Variants in TRPM7 observed in about 807,000 individuals in gnomAD.
The protein encoded by TRPM7 is transient receptor potential cation channel subfamily M member 7.
In TRPM7, 134 loss-of-function variants were observed where a neutral mutation model predicts 229.7. That is an observed-to-expected ratio of 0.58 (90% CI 0.51 to 0.67). The LOEUF (loss-of-function observed/expected upper bound fraction) is 0.67, where lower values mean the gene tolerates loss of function less well. Ranked by LOEUF, TRPM7 falls within the 30% of genes least tolerant of loss-of-function variation. The pLI is 0.00. For synonymous variants in TRPM7, 699 were observed against 715.2 expected, an observed-to-expected ratio of 0.98 and a Z score of 0.36; for missense variants, 1,901 against 2,210.0, an observed-to-expected ratio of 0.86 and a Z score of 2.80.
At chr15:50,607,708 A>C (rs891023955) in intron 19 of TRPM7, among the ~76,000 whole-genome samples, 2 of 143,606 alleles carry the variant, frequency 1.4e-5, no homozygotes, top group Middle Eastern at 3.4e-3. Context: ...CAAGGAACAC[A>C]TGTTTCCTGC....
Position 50,561,504 on chromosome 15 carries a change from TTC to T in TRPM7, c.*172_*173del. 1.6e-6 allele frequency: 1 copy of T among 636,398 alleles called. No individual in the cohort carries two copies. Among genetic ancestry groups the T allele is most frequent in the Non-Finnish European group, 2.6e-6 (1 of 388,996 alleles). The allele number at this position is 636,398 out of a possible 1,614,324, so 39.4% of individuals were successfully genotyped here. On this transcript the variant is annotated 3_prime_UTR_variant, in exon 39 of 39. Transcript: ENST00000646667. ...CTGCCAGCTCTATCCTATAGGGACT[TTC>T]TGACTGATTAATCAGGTCAAAAGAA...
At chr15:50,632,807 G>C (rs2060777535) in intron 9 of TRPM7, 62 bp downstream of exon 9, 3 of 1,396,130 alleles carry the variant, frequency 2.1e-6, no homozygotes, top group Non-Finnish European at 1.9e-6. Flanking sequence ...AGTTTAGAAT[G>C]TGTTTTGAAT....
rs749122179 is a variant in TRPM7, at chr15:50,619,753, C to A, written c.1486G>T (p.Val496Phe). The change falls in exon 13 of 39, where the codon GTC becomes TTC. Residue 496 changes from valine to phenylalanine, a missense_variant. Transcript: ENST00000646667. Reference protein sequence around the residue: ...NPMLFHLVRDVKQGNLPPGYK... With the variant: ...NPMLFHLVRDFKQGNLPPGYK... Reference sequence around the variant, plus strand: ...AAAAAATAATCTCTTACCTGTTTGACGTCTCGAACAAGATGAAACAGCATT... The same window carrying A: ...AAAAAATAATCTCTTACCTGTTTGAAGTCTCGAACAAGATGAAACAGCATT... The A allele has an allele frequency of 6.3e-7, 1 of 1,592,590 alleles. No individual in the cohort carries two copies. Among genetic ancestry groups the A allele is most frequent in the East Asian group, 2.3e-5 (1 of 43,956 alleles).
chr15:50,608,084 A>G (rs1328461157), intron 19 of TRPM7, among the ~76,000 whole-genome samples: 1 of 151,020 alleles, frequency 6.6e-6, no homozygotes, highest in African/African-American at 2.4e-5. Flanking sequence ...AGAAAGAAAG[A>G]AAAGAAAAGA....
chr15:50,609,868 G>A lies in TRPM7; in HGVS notation c.2374C>T (p.His792Tyr). Reference protein sequence around the residue: ...MSHIPQSQDAHQMTMDDSENN... With the variant: ...MSHIPQSQDAYQMTMDDSENN... ...TCGCTGTCATCCATTGTCATCTGAT[G>A]AGCATCTTGAGATTGTGGGATATGG... is the stretch of plus-strand genomic sequence containing the variant. The change falls in exon 18 of 39, where the codon CAT becomes TAT. Residue 792 changes from histidine (H) to tyrosine (Y), a missense_variant. By Grantham distance (83) the His-to-Tyr change is moderately conservative. This residue lies in a region of TRPM7 where 207 missense variants were observed against 241.5 expected (regional missense o/e 0.86). Coordinates refer to ENST00000646667, the MANE Select transcript of TRPM7 (RefSeq NM_017672.6). The A allele has an allele frequency of 6.2e-7, 1 of 1,613,128 alleles. No homozygotes were observed. The highest frequency in any genetic ancestry group is 8.5e-7 in the Non-Finnish European group (1 of 1,179,498).
At chr15:50,681,398 G>A (rs1214974712) in intron 1 of TRPM7, among the ~76,000 whole-genome samples, 6 of 152,034 alleles carry the variant, frequency 3.9e-5, no homozygotes, top group Non-Finnish European at 8.8e-5. Flanking sequence ...TATCTTCCGG[G>A]TACTGGGTAT....
intron 38 of TRPM7, among the ~76,000 whole-genome samples, chr15:50,567,952 G>A (rs3101856): frequency 0.36 from 55,196 of 151,438 alleles, 10,944 homozygotes; most frequent in Admixed American, 0.48. Flanking sequence ...GGTGGCAGGC[G>A]CCTGTAGTCC....
At chr15:50,640,563 G>C (rs572040407) in intron 5 of TRPM7, among the ~76,000 whole-genome samples, 1 of 151,386 alleles carries the variant, frequency 6.6e-6, no homozygotes, top group South Asian at 2.1e-4. Flanking sequence ...TGGGATTATA[G>C]GCATGAACCA....
At chr15:50,670,066 T>C (rs1239602447) in intron 1 of TRPM7, among the ~76,000 whole-genome samples, 3 of 152,204 alleles carry the variant, frequency 2.0e-5, no homozygotes, top group South Asian at 4.1e-4. Context: ...CTCTGAGTTA[T>C]GGATGGCCCT....
chr15:50,681,880 G>A (rs1256171858), intron 1 of TRPM7, among the ~76,000 whole-genome samples: 1 of 152,164 alleles, frequency 6.6e-6, no homozygotes, highest in Non-Finnish European at 1.5e-5. Context: ...AGATTGAGAA[G>A]ATAACAGTGA....
intron 8 of TRPM7, among the ~76,000 whole-genome samples, chr15:50,633,780 C>A (rs2060805723): frequency 6.6e-6 from 1 of 152,140 alleles, no homozygotes; most frequent in Non-Finnish European, 1.5e-5. Context: ...AGATATACAT[C>A]TGTAGGAACA....
intron 10 of TRPM7, among the ~76,000 whole-genome samples, chr15:50,630,156 G>A (rs1392837596): frequency 1.3e-5 from 2 of 151,674 alleles, no homozygotes; most frequent in African/African-American, 2.4e-5. Context: ...GCCAGCGCAC[G>A]CAGCCTTACT....
intron 4 of TRPM7, 66 bp from the exon 5 acceptor site, chr15:50,643,619 T>C (rs2061171137): frequency 2.2e-6 from 3 of 1,379,808 alleles, no homozygotes; most frequent in African/African-American, 1.4e-5. Flanking sequence ...TGTGACATTA[T>C]ATGACTTTGG....
intron 1 of TRPM7, among the ~76,000 whole-genome samples, chr15:50,682,127 G>A (rs963670323): frequency 8.4e-5 from 11 of 130,268 alleles, no homozygotes; most frequent in African/African-American, 1.4e-4. Context: ...GCAGTGAGCC[G>A]ACATCGCGCC....
At position 50,570,142 on chromosome 15, in the gene TRPM7, AT is replaced by A; in HGVS notation, c.5321del (p.Asn1774IlefsTer2). 6.2e-7 allele frequency: 1 copy of A among 1,608,450 alleles called. No individual in the cohort carries two copies. The highest frequency in any genetic ancestry group is 8.5e-7 in the Non-Finnish European group (1 of 1,177,528). ...CTTTTATCACAGATGGGTCAGTCAA[AT>A]TTTCACCAACACCTTTATATGTGTA... Reference protein sequence around the residue: ...LVLDLQGVGENLTDPSVIKAE... With the variant: ...LVLDLQGVGEXLTDPSVIKAE... On this transcript the variant is annotated frameshift_variant, in exon 37 of 39. Coordinates refer to ENST00000646667, the MANE Select transcript of TRPM7 (RefSeq NM_017672.6). LOFTEE classifies it high-confidence loss of function.
chr15:50,619,834 T>C, intron 12 of TRPM7, 36 bp from the exon 13 acceptor site: 1 of 1,555,024 alleles, frequency 6.4e-7, no homozygotes, highest in Non-Finnish European at 8.8e-7. Context: ...ACTATTATTT[T>C]TCTTCTAAAC....
intron 1 of TRPM7, among the ~76,000 whole-genome samples, chr15:50,676,324 T>G (rs2062093074): frequency 6.6e-6 from 1 of 152,036 alleles, no homozygotes; most frequent in Admixed American, 6.6e-5. Flanking sequence ...ACAAATACAT[T>G]CTATGATTAT....
chr15:50,675,796 T>A (rs923628073), intron 1 of TRPM7, among the ~76,000 whole-genome samples: 7 of 152,212 alleles, frequency 4.6e-5, no homozygotes, highest in Non-Finnish European at 8.8e-5. Flanking sequence ...ATGTAAAAAG[T>A]AACTATATCC....
chr15:50,656,305 G>T (rs1425042337), intron 3 of TRPM7, among the ~76,000 whole-genome samples: 3 of 149,850 alleles, frequency 2.0e-5, no homozygotes, highest in Non-Finnish European at 3.0e-5. Flanking sequence ...CTTTTTGTTT[G>T]TTTTTTTTTC....
Sources: allele counts gnomAD v4.1 joint callset (sites outside exome capture counted in the v4.1 genomes callset), GRCh38; gene constraint gnomAD v4.1.1; regional missense constraint gnomAD v4.1.1; transcripts MANE v1.5; gene names NCBI Gene and HGNC (gene_info 2026-07-23, HGNC 2026-07-21).